Variants in C12orf42 observed in about 807,000 individuals in gnomAD.
The protein encoded by C12orf42 is chromosome 12 open reading frame 42.
A neutral mutation model predicts 21.6 loss-of-function variants in C12orf42; 25 were observed. That is an observed-to-expected ratio of 1.16 (90% confidence interval 0.84 to 1.62). The LOEUF is 1.62. C12orf42 is among the 40% of genes most tolerant of loss of function. The pLI, the probability that C12orf42 is intolerant of heterozygous loss-of-function variation, is 0.00. For synonymous variants in C12orf42, 174 were observed against 175.0 expected (o/e 0.99, Z 0.05); for missense variants, 483 against 459.3 (o/e 1.05, Z -0.47).
chr12:103,058,147 G>C, the C12orf42 span, among the ~76,000 whole-genome samples: 2 of 151,850 alleles, frequency 1.3e-5, no homozygotes, highest in African/African-American at 4.8e-5. Flanking sequence ...GGTAGAGATG[G>C]GGTGTCACCA....
chr12:103,085,206 T>C, the C12orf42 span, among the ~76,000 whole-genome samples: 10 of 152,206 alleles, frequency 6.6e-5, no homozygotes, highest in Admixed American at 2.0e-4. Context: ...ATTAATTGAG[T>C]CCAACTGAGA....
chr12:103,534,448 G>C, the C12orf42 span, among the ~76,000 whole-genome samples: 1 of 152,140 alleles, frequency 6.6e-6, no homozygotes, highest in African/African-American at 2.4e-5. Flanking sequence ...CTGGGTATGA[G>C]TCTAGCCTCG....
chr12:103,421,877 A>G (rs2049946104), intron 2 of C12orf42, among the ~76,000 whole-genome samples: 1 of 152,176 alleles, frequency 6.6e-6, no homozygotes, highest in African/African-American at 2.4e-5. Context: ...AAATATTTCA[A>G]TCCTATTCGC....
chr12:103,259,633 T>C (rs771592345), intron 10 of C12orf42, among the ~76,000 whole-genome samples: 4 of 152,236 alleles, frequency 2.6e-5, no homozygotes, highest in Non-Finnish European at 4.4e-5. Context: ...GGTTTTTGTT[T>C]AACTATTCGT....
the C12orf42 span, among the ~76,000 whole-genome samples, chr12:103,180,174 G>T: frequency 6.6e-6 from 1 of 151,830 alleles, no homozygotes; most frequent in Non-Finnish European, 1.5e-5. Flanking sequence ...TTGGTGGGAG[G>T]AGTCAGCAAA....
chr12:103,059,184 A>C, the C12orf42 span, among the ~76,000 whole-genome samples: 1 of 152,226 alleles, frequency 6.6e-6, no homozygotes, highest in Non-Finnish European at 1.5e-5. Flanking sequence ...ACTATCAGAG[A>C]ATACTGTAAA....
At chr12:103,072,655 C>G in the C12orf42 span, among the ~76,000 whole-genome samples, 1 of 152,056 alleles carries the variant, frequency 6.6e-6, no homozygotes, top group Non-Finnish European at 1.5e-5. Flanking sequence ...AATGGTATTT[C>G]TGTCTTTAGA....
downstream of C12orf42, among the ~76,000 whole-genome samples, chr12:103,300,854 C>A (rs78417247): frequency 0.012 from 1,762 of 152,102 alleles, 100 homozygotes; most frequent in East Asian, 0.19. Context: ...ACATTGATAA[C>A]CTGTACATTG....
At chr12:103,374,265 C>T (rs1433179070) in intron 3 of C12orf42, among the ~76,000 whole-genome samples, 3 of 152,144 alleles carry the variant, frequency 2.0e-5, no homozygotes, top group African/African-American at 7.2e-5. Flanking sequence ...TTCCCCAGTT[C>T]TTGATCCATA....
chr12:103,148,721 A>G, the C12orf42 span, among the ~76,000 whole-genome samples: 1,553 of 152,320 alleles, frequency 0.01, 27 homozygotes, highest in African/African-American at 0.034. Flanking sequence ...AATGTAACAC[A>G]TTTAAACACC....
chr12:103,474,454 A>ATGTATGTATGTGTGTGTG (rs1555212293), intron 2 of C12orf42, among the ~76,000 whole-genome samples: 32 of 149,374 alleles, frequency 2.1e-4, no homozygotes, highest in African/African-American at 5.9e-4. Context: ...GTATGTATGT[A>ATGTATGTATGTGTGTGTG]TGTGTGTGTG....
At position 103,291,512 on chromosome 12, in the gene C12orf42, C is replaced by G. The variant is rs570023079; in HGVS notation, n.338-14302G>C. Among the ~76,000 whole-genome samples, 14 of 152,264 alleles carry G rather than the reference C, an allele frequency of 9.2e-5. 1 individual carries two copies. In the South Asian group the frequency reaches 2.1e-3, roughly 23 times the overall value. On this transcript the variant is annotated intron_variant and non_coding_transcript_variant, in intron 4 of 6. Coordinates refer to the C12orf42 transcript ENST00000546526. ...CTGCTCCACAGACAGAGCAGGGCTA[C>G]CCCATAGGCAGAGTAGCACTCACAG...
the C12orf42 span, among the ~76,000 whole-genome samples, chr12:103,060,478 T>C: frequency 1.3e-5 from 2 of 152,290 alleles, no homozygotes; most frequent in Admixed American, 6.5e-5. Flanking sequence ...AAAACTACTT[T>C]AAATTTCATA....
the C12orf42 span, among the ~76,000 whole-genome samples, chr12:103,067,520 G>A: frequency 3.6e-4 from 55 of 152,234 alleles, no homozygotes; most frequent in Non-Finnish European, 4.6e-4. Flanking sequence ...CTTAATCAGC[G>A]TCCAATATAT....
At chr12:103,092,249 C>G in the C12orf42 span, among the ~76,000 whole-genome samples, 1 of 152,164 alleles carries the variant, frequency 6.6e-6, no homozygotes, top group South Asian at 2.1e-4. Context: ...GTTTATCATT[C>G]GCTTTCTGGT....
chr12:103,258,071 C>G (rs1018741312), intron 10 of C12orf42, among the ~76,000 whole-genome samples: 1 of 151,898 alleles, frequency 6.6e-6, no homozygotes, highest in Non-Finnish European at 1.5e-5. Flanking sequence ...CTGTTTAAAA[C>G]AAGAAAGTAT....
intron 10 of C12orf42, among the ~76,000 whole-genome samples, chr12:103,258,563 A>G (rs1305715164): frequency 6.6e-6 from 1 of 151,842 alleles, no homozygotes; most frequent in East Asian, 1.9e-4. Flanking sequence ...ATCAAAAAAT[A>G]AGAATAAAAT....
chr12:103,160,322 C>A, the C12orf42 span, among the ~76,000 whole-genome samples: 1 of 152,182 alleles, frequency 6.6e-6, no homozygotes, highest in African/African-American at 2.4e-5. Flanking sequence ...TCCATTCCCA[C>A]TCCTCCTTTC....
the C12orf42 span, among the ~76,000 whole-genome samples, chr12:103,070,607 C>T: frequency 2.0e-5 from 3 of 152,090 alleles, no homozygotes; most frequent in East Asian, 3.9e-4. Context: ...TCAAGGTTTG[C>T]ATACATATAT....
Sources: gnomAD v4.1 joint callset for allele counts (sites outside exome capture counted in the v4.1 genomes callset) on GRCh38, gnomAD v4.1.1 for gene constraint, MANE v1.5 for transcripts, NCBI Gene and HGNC (gene_info 2026-07-23, HGNC 2026-07-21) for gene names.